Variants in ZMYM2 observed in about 807,000 individuals in gnomAD.
ZMYM2 encodes the protein zinc finger MYM-type protein 2.
ZMYM2 carries 56 observed loss-of-function variants against 162.8 expected under a neutral mutation model. The observed-to-expected ratio is 0.34, with a 90% CI of 0.28 to 0.43. The LOEUF (loss-of-function observed/expected upper bound fraction) is 0.43, where lower values mean the gene tolerates loss of function less well. Among genes scored for constraint, ZMYM2 ranks in the 20% least tolerant of loss-of-function variants. ZMYM2 has a pLI of 1.00. For synonymous variants in ZMYM2, 510 were observed against 541.6 expected, an observed-to-expected ratio of 0.94 and a Z score of 0.81; for missense variants, 1,275 against 1,621.8, an observed-to-expected ratio of 0.79 and a Z score of 3.67.
intron 3 of ZMYM2, among the ~76,000 whole-genome samples, chr13:20,002,373 T>C (rs1950460647): frequency 6.6e-6 from 1 of 152,226 alleles, no homozygotes; most frequent in South Asian, 2.1e-4. Flanking sequence ...CATTTAATGT[T>C]TACCATTAGC....
At chr13:19,889,218 T>C in the ZMYM2 span, among the ~76,000 whole-genome samples, 1 of 151,996 alleles carries the variant, frequency 6.6e-6, no homozygotes, top group East Asian at 1.9e-4. Context: ...TTACTGGAGA[T>C]ACCTTGCGCC....
the ZMYM2 span, among the ~76,000 whole-genome samples, chr13:19,865,735 A>G: frequency 6.6e-6 from 1 of 152,242 alleles, no homozygotes; most frequent in Admixed American, 6.5e-5. Context: ...AGTGGCAGGA[A>G]TGACAGGTTC....
the ZMYM2 span, among the ~76,000 whole-genome samples, chr13:19,886,991 C>G: frequency 2.0e-3 from 311 of 151,816 alleles, 8 homozygotes; most frequent in African/African-American, 7.2e-3. Context: ...ATTTTGCTGA[C>G]TGCATTCCCC....
intron 2 of ZMYM2, among the ~76,000 whole-genome samples, chr13:19,986,007 C>T (rs953212093): frequency 3.3e-5 from 5 of 151,948 alleles, no homozygotes; most frequent in Middle Eastern, 3.4e-3. Context: ...GGCAACATGG[C>T]AAAACCCTGT....
At chr13:20,022,116 C>T (rs1207884297) in intron 7 of ZMYM2, among the ~76,000 whole-genome samples, 2 of 152,046 alleles carry the variant, frequency 1.3e-5, no homozygotes, top group African/African-American at 4.8e-5. Flanking sequence ...AGTTTGAAAA[C>T]CATTGTTTTT....
chr13:20,056,456 TCAGA>T (rs1220524112), intron 14 of ZMYM2, among the ~76,000 whole-genome samples: 1 of 152,150 alleles, frequency 6.6e-6, no homozygotes, highest in Non-Finnish European at 1.5e-5. Flanking sequence ...CTCCAGCCCC[TCAGA>T]CAGGGCATTT....
intron 15 of ZMYM2, 57 bp from the exon 16 acceptor site, chr13:20,059,390 G>A: frequency 6.4e-7 from 1 of 1,572,212 alleles, no homozygotes; most frequent in Non-Finnish European, 8.6e-7. Context: ...TTAACATTGA[G>A]CACCTGTATA....
intron 6 of ZMYM2, among the ~76,000 whole-genome samples, chr13:20,011,056 C>T (rs1192040827): frequency 1.3e-5 from 2 of 152,146 alleles, no homozygotes; most frequent in African/African-American, 2.4e-5. Context: ...ATAGCCATCA[C>T]CCCAAAATTA....
intron 18 of ZMYM2, among the ~76,000 whole-genome samples, chr13:20,063,403 TAAAA>T (rs774452570): frequency 1.7e-5 from 2 of 121,200 alleles, no homozygotes; most frequent in Non-Finnish European, 1.7e-5. Context: ...ACCCTGTCTT[TAAAA>T]AAAAAAAAAA....
intron 2 of ZMYM2, among the ~76,000 whole-genome samples, chr13:19,965,472 T>G (rs947813417): frequency 6.6e-6 from 1 of 152,218 alleles, no homozygotes; most frequent in Non-Finnish European, 1.5e-5. Flanking sequence ...GGGACTGATT[T>G]AACAAATTGG....
At chr13:20,075,450 TTCTC>T (rs1462584655) in intron 21 of ZMYM2, among the ~76,000 whole-genome samples, 1 of 152,148 alleles carries the variant, frequency 6.6e-6, no homozygotes, top group Non-Finnish European at 1.5e-5. Flanking sequence ...TTCTTACTCT[TTCTC>T]AAAGTAACTG....
intron 2 of ZMYM2, among the ~76,000 whole-genome samples, chr13:19,980,776 A>G (rs1957251459): frequency 1.3e-5 from 2 of 149,710 alleles, no homozygotes; most frequent in South Asian, 4.2e-4. Flanking sequence ...AAAAAAAAAA[A>G]GAATTTTCCT....
At chr13:19,933,092 G>A in the ZMYM2 span, among the ~76,000 whole-genome samples, 1 of 151,992 alleles carries the variant, frequency 6.6e-6, no homozygotes, top group Non-Finnish European at 1.5e-5. Context: ...GAGACTACAG[G>A]CATGCACCAC....
chr13:19,942,919 C>A, the ZMYM2 span, among the ~76,000 whole-genome samples: 1 of 152,082 alleles, frequency 6.6e-6, no homozygotes, highest in Non-Finnish European at 1.5e-5. Flanking sequence ...TGGGGAATTA[C>A]ATGCTAAAAG....
At chr13:19,890,889 C>G in the ZMYM2 span, among the ~76,000 whole-genome samples, 3 of 150,682 alleles carry the variant, frequency 2.0e-5, no homozygotes, top group Admixed American at 1.3e-4. Context: ...AAAAAAAATT[C>G]AGCTACAGCA....
intron 7 of ZMYM2, among the ~76,000 whole-genome samples, chr13:20,022,754 T>C (rs1952230654): frequency 6.6e-6 from 1 of 152,190 alleles, no homozygotes; most frequent in Non-Finnish European, 1.5e-5. Context: ...CTTGAAATTA[T>C]CTTATTTAGT....
At chr13:19,998,842 C>T (rs1488554348) in intron 3 of ZMYM2, among the ~76,000 whole-genome samples, 3 of 152,020 alleles carry the variant, frequency 2.0e-5, no homozygotes, top group East Asian at 3.9e-4. Context: ...GTATTTTGTA[C>T]CGCAAGGAAA....
chr13:20,061,371 A>ACGTCGACCACC, intron 17 of ZMYM2, 147 bp downstream of exon 17: 1 of 695,008 alleles, frequency 1.4e-6, no homozygotes, highest in Non-Finnish European at 2.0e-6. Context: ...TTTTATATTA[A>ACGTCGACCACC]GAGATCTACA....
At chr13:20,071,866 G>C (rs1480924949) in intron 21 of ZMYM2, 1 of 186,888 alleles carries the variant, frequency 5.4e-6, no homozygotes, top group Non-Finnish European at 1.1e-5. Context: ...CCAGTGCAGG[G>C]TTGCGTTAAC....
Sources: allele counts gnomAD v4.1 joint callset (sites outside exome capture counted in the v4.1 genomes callset), GRCh38; gene constraint gnomAD v4.1.1; transcripts MANE v1.5; gene names NCBI Gene and HGNC (gene_info 2026-07-23, HGNC 2026-07-21).